Variants in DNAJC1 observed in about 807,000 individuals in gnomAD.
The protein encoded by DNAJC1 is DnaJ heat shock protein family (Hsp40) member C1, also known as dnaJ homolog subfamily C member 1.
A neutral mutation model predicts 76.6 loss-of-function variants in DNAJC1; 58 were observed. The observed-to-expected ratio is 0.76, with a 90% CI of 0.61 to 0.94. The LOEUF (loss-of-function observed/expected upper bound fraction) is 0.94, where lower values mean the gene tolerates loss of function less well. DNAJC1 is among the 40% of genes least tolerant of loss of function. DNAJC1 has a pLI of 0.00. For missense variants in DNAJC1, 689 were observed against 677.3 expected, an observed-to-expected ratio of 1.02 and a Z score of -0.19; for synonymous variants, 258 against 267.9, an observed-to-expected ratio of 0.96 and a Z score of 0.36.
intron 6 of DNAJC1, among the ~76,000 whole-genome samples, chr10:21,912,041 A>G (rs1836872010): frequency 6.6e-6 from 1 of 152,182 alleles, no homozygotes; most frequent in African/African-American, 2.4e-5. Context: ...TCAGGATGCA[A>G]TCGATAAGTT....
At chr10:21,861,325 A>G (rs770680280) in intron 8 of DNAJC1, among the ~76,000 whole-genome samples, 22 of 152,212 alleles carry the variant, frequency 1.4e-4, no homozygotes, top group Admixed American at 3.3e-4. Flanking sequence ...AAAAGAAAGC[A>G]AAAGAGGACA....
chr10:21,936,043 T>TAAAG (rs1475768946), intron 1 of DNAJC1, among the ~76,000 whole-genome samples: 1 of 152,188 alleles, frequency 6.6e-6, no homozygotes, highest in African/African-American at 2.4e-5. Context: ...AATGCTGTGG[T>TAAAG]CTGAATGTTT....
At chr10:21,852,238 T>C (rs1420344586) in intron 8 of DNAJC1, among the ~76,000 whole-genome samples, 2 of 152,044 alleles carry the variant, frequency 1.3e-5, no homozygotes, top group African/African-American at 2.4e-5. Context: ...ACATACTGTA[T>C]GAGTTCCTTT....
chr10:22,000,360 C>T (rs1379821807), intron 1 of DNAJC1, among the ~76,000 whole-genome samples: 1 of 152,140 alleles, frequency 6.6e-6, no homozygotes, highest in Non-Finnish European at 1.5e-5. Flanking sequence ...CAAACACCAC[C>T]TCCCCCAACT....
chr10:21,762,045 C>A (rs1834247255), intron 10 of DNAJC1, among the ~76,000 whole-genome samples: 1 of 152,124 alleles, frequency 6.6e-6, no homozygotes, highest in Non-Finnish European at 1.5e-5. Context: ...GTAGCTGGGA[C>A]TACAGGCGTC....
At chr10:21,815,292 A>G (rs1835056574) in intron 8 of DNAJC1, among the ~76,000 whole-genome samples, 2 of 152,238 alleles carry the variant, frequency 1.3e-5, no homozygotes, top group South Asian at 4.1e-4. Flanking sequence ...AGTAGAAGTC[A>G]TTCAGGTAAG....
chr10:21,759,727 T>A, intron 10 of DNAJC1, 109 bp from the exon 11 acceptor site: 1 of 958,960 alleles, frequency 1.0e-6, no homozygotes, highest in Non-Finnish European at 1.6e-6. Context: ...GCATTTTGCA[T>A]GCATGGTTTA....
chr10:21,931,975 G>A (rs1302606660), intron 1 of DNAJC1, among the ~76,000 whole-genome samples: 3 of 152,066 alleles, frequency 2.0e-5, no homozygotes, highest in African/African-American at 7.3e-5. Flanking sequence ...TTAACAGTCA[G>A]GTGACCTCTA....
intron 8 of DNAJC1, among the ~76,000 whole-genome samples, chr10:21,842,360 G>T (rs1185376127): frequency 6.6e-6 from 1 of 152,152 alleles, no homozygotes; most frequent in Admixed American, 6.6e-5. Context: ...GACTAGGATG[G>T]TAGCACTGAG....
At chr10:21,945,379 CTTTCT>C (rs1435661139) in intron 1 of DNAJC1, among the ~76,000 whole-genome samples, 1 of 152,092 alleles carries the variant, frequency 6.6e-6, no homozygotes, top group Non-Finnish European at 1.5e-5. Flanking sequence ...CTGAGAGAGA[CTTTCT>C]TTTCTTTTTA....
chr10:22,000,517 GC>G (rs1294987386), intron 1 of DNAJC1, among the ~76,000 whole-genome samples: 3 of 152,222 alleles, frequency 2.0e-5, no homozygotes, highest in African/African-American at 7.2e-5. Context: ...CACACTGCCT[GC>G]CTTGCTATTC....
intron 9 of DNAJC1, among the ~76,000 whole-genome samples, chr10:21,798,452 T>G (rs1269923706): frequency 3.3e-5 from 5 of 152,168 alleles, no homozygotes; most frequent in African/African-American, 1.2e-4. Flanking sequence ...ACTCATTTCC[T>G]GTTATCTCCT....
intron 8 of DNAJC1, among the ~76,000 whole-genome samples, chr10:21,851,435 A>C (rs563192643): frequency 6.6e-6 from 1 of 152,176 alleles, no homozygotes; most frequent in Non-Finnish European, 1.5e-5. Flanking sequence ...ATATCACTGC[A>C]CACCCTAGGG....
At chr10:22,000,701 A>G (rs1006736975) in intron 1 of DNAJC1, among the ~76,000 whole-genome samples, 1 of 152,246 alleles carries the variant, frequency 6.6e-6, no homozygotes, top group African/African-American at 2.4e-5. Context: ...TGAGGTGATT[A>G]TATCACGAAG....
At chr10:21,786,860 A>G (rs1834618129) in intron 9 of DNAJC1, among the ~76,000 whole-genome samples, 1 of 152,156 alleles carries the variant, frequency 6.6e-6, no homozygotes, top group Non-Finnish European at 1.5e-5. Context: ...TGAAAATTAT[A>G]ATCTTGTTTG....
intron 9 of DNAJC1, among the ~76,000 whole-genome samples, chr10:21,792,383 T>C (rs1389298538): frequency 2.6e-5 from 4 of 152,182 alleles, no homozygotes; most frequent in Non-Finnish European, 5.9e-5. Flanking sequence ...ATTACCCTGA[T>C]ATCAAAGCCA....
rs112881341 is a variant in DNAJC1, at chr10:21,983,172, T to C, written c.222+20041A>G. On this transcript the variant is annotated intron_variant, in intron 1 of 11. Coordinates refer to ENST00000376980, the MANE Select transcript of DNAJC1 (RefSeq NM_022365.4). The stretch of plus-strand genomic sequence containing the variant: ...ACAGATACTTGTATACCAATGGTCA[T>C]AGCAGCATTATTCACAATAGCCAAA... Among the ~76,000 whole-genome samples, 594 of 152,288 alleles carry C rather than the reference T, an allele frequency of 3.9e-3. 2 individuals carry two copies. Among genetic ancestry groups the C allele is most frequent in the African/African-American group, 0.014 (571 of 41,570 alleles).
At chr10:21,923,386 T>C (rs1005618802) in intron 3 of DNAJC1, among the ~76,000 whole-genome samples, 4 of 152,032 alleles carry the variant, frequency 2.6e-5, no homozygotes, top group African/African-American at 9.6e-5. Flanking sequence ...CAGACACTTT[T>C]CATAAGTTAT....
At chr10:21,983,712 T>G (rs1316927688) in intron 1 of DNAJC1, among the ~76,000 whole-genome samples, 2 of 121,492 alleles carry the variant, frequency 1.6e-5, no homozygotes, top group Non-Finnish European at 3.3e-5. Context: ...CAGAGCGAGA[T>G]TCTGTCTCAA....
Sources: allele counts gnomAD v4.1 joint callset (sites outside exome capture counted in the v4.1 genomes callset), GRCh38; gene constraint gnomAD v4.1.1; transcripts MANE v1.5; gene names NCBI Gene and HGNC (gene_info 2026-07-23, HGNC 2026-07-21).